The following OSBPL5 variants were observed in gnomAD, a reference collection of about 807,000 sequenced individuals.
The protein encoded by OSBPL5 is oxysterol-binding protein-related protein 5.
A neutral mutation model predicts 111.2 loss-of-function variants in OSBPL5; 71 were observed. The observed-to-expected ratio is 0.64, with a 90% CI of 0.53 to 0.78. The LOEUF is 0.78. Ranked by LOEUF, OSBPL5 falls within the 30% of genes least tolerant of loss-of-function variation. The pLI, the probability that OSBPL5 is intolerant of heterozygous loss-of-function variation, is 0.00. For synonymous variants in OSBPL5, 549 were observed against 513.9 expected (o/e 1.07, Z -0.93); for missense variants, 1,210 against 1,189.3 (o/e 1.02, Z -0.26).
chr11:3,131,844 TCCACCCACCAAA>T (rs1206151621), intron 1 of OSBPL5, among the ~76,000 whole-genome samples: 9 of 70,822 alleles, frequency 1.3e-4, no homozygotes, highest in African/African-American at 5.6e-4. Context: ...CATCTATCCA[TCCACCCACCAAA>T]CCATCCATCC....
rs1309236042 is a variant in OSBPL5 at position 3,129,447 on chromosome 11, C to G, written c.-21-278G>C. 5 of 233,292 alleles carry G rather than the reference C, an allele frequency of 2.1e-5. No homozygotes were observed. In the South Asian group the frequency reaches 8.6e-4, roughly 40 times the overall value. The allele number at this position is 233,292 out of a possible 1,614,324, so 14.5% of individuals were successfully genotyped here. A position where few individuals can be genotyped will look rare whatever the true frequency, so the allele number is the denominator to read the frequency against. Reference sequence around the variant, plus strand: ...GCTCATCACCACCCTCGGAAGATGTCCTTCTCAGAACCCCCACCCCAGGTT... The same window carrying G: ...GCTCATCACCACCCTCGGAAGATGTGCTTCTCAGAACCCCCACCCCAGGTT... On this transcript the variant is annotated intron_variant, in intron 1 of 21. Coordinates refer to ENST00000263650, the MANE Select transcript of OSBPL5 (RefSeq NM_020896.4).
rs1200496406 is a variant in OSBPL5 at position 3,121,221 on chromosome 11, C to T, written c.403-597G>A. Among the ~76,000 whole-genome samples the T allele has an allele frequency of 2.6e-5, 4 of 152,002 alleles. No homozygotes were observed. The East Asian group carries it at 7.7e-4, about 29-fold the overall frequency. ...TACAGGCGCCCGCCACCATGCCTGG[C>T]TAATTTCTGTATTTTTAGTAGAGAC... On this transcript the variant is annotated intron_variant, in intron 5 of 21. Coordinates refer to ENST00000263650, the MANE Select transcript of OSBPL5 (RefSeq NM_020896.4). The surrounding 1 kb of genome is among the most constrained non-coding windows in gnomAD (Gnocchi z 4.3).
chr11:3,150,467 C>G (rs1053063708), intron 1 of OSBPL5, among the ~76,000 whole-genome samples: 1 of 152,062 alleles, frequency 6.6e-6, no homozygotes, highest in Non-Finnish European at 1.5e-5. Flanking sequence ...TAGGTGGGCA[C>G]GTCCCACCCG....
At chr11:3,149,277 A>G (rs1340867193) in intron 1 of OSBPL5, among the ~76,000 whole-genome samples, 3 of 152,198 alleles carry the variant, frequency 2.0e-5, no homozygotes, top group Non-Finnish European at 4.4e-5. Context: ...CAGGCCCCCC[A>G]GAGCTGTCTT....
chr11:3,103,145 T>C (rs1051670263), intron 11 of OSBPL5, 94 bp downstream of exon 11: 5 of 1,090,466 alleles, frequency 4.6e-6, no homozygotes, highest in Non-Finnish European at 4.0e-6. Flanking sequence ...GGGTAGGGGG[T>C]GGCCCGGGGA....
At chr11:3,131,669 T>C (rs1282476190) in intron 1 of OSBPL5, among the ~76,000 whole-genome samples, 1 of 131,950 alleles carries the variant, frequency 7.6e-6, no homozygotes, top group African/African-American at 2.9e-5. Flanking sequence ...TGTCCTCCCA[T>C]CCATCCATCC....
Position 3,119,571 on chromosome 11 carries a change from A to G in OSBPL5, c.667T>C (p.Phe223Leu). 1 of 1,578,980 alleles carries G rather than the reference A, an allele frequency of 6.3e-7. No individual in the cohort carries two copies. Among genetic ancestry groups the G allele is most frequent in the South Asian group, 1.2e-5 (1 of 86,606 alleles). ...TQPLPSSYLI[F>L]RAASESDGRC... ...CCATCTGACTCGGAGGCGGCCCTGAAGATCAGGTAGCTGCTGGGCAGGGGC... is the reference window on the plus strand; with the variant it reads ...CCATCTGACTCGGAGGCGGCCCTGAGGATCAGGTAGCTGCTGGGCAGGGGC... Residue 223 changes from phenylalanine (F) to leucine (L), a missense_variant, in exon 7 of 22, where the codon TTC (phenylalanine) becomes CTC (leucine). Coordinates refer to ENST00000263650, the MANE Select transcript of OSBPL5 (RefSeq NM_020896.4).
chr11:3,100,675 G>A (rs1308324811), intron 13 of OSBPL5, among the ~76,000 whole-genome samples: 1 of 152,176 alleles, frequency 6.6e-6, no homozygotes, highest in Admixed American at 6.5e-5. Context: ...GGCTGAACCT[G>A]AGGGTCGCAC....
In OSBPL5 at chr11:3,093,564, C is replaced by T; in HGVS notation, c.1909G>A (p.Val637Met). The change falls in exon 17 of 22, where the codon GTG (valine) becomes ATG (methionine). Residue 637 changes from valine (V) to methionine (M), a missense_variant. By Grantham distance (21) the Val-to-Met change is conservative (BLOSUM62 1). Coordinates refer to ENST00000263650, the MANE Select transcript of OSBPL5 (RefSeq NM_020896.4). ...AGCTCCGTCTGCTCCTCCAGCGGCA[C>T]CGTGTGCTGCCTCAGCCTCTGTCTG... ...VRRQRLRQHT[V>M]PLEEQTELES... The T allele has an allele frequency of 6.2e-7, 1 of 1,611,768 alleles. No individual in the cohort carries two copies. Among genetic ancestry groups the T allele is most frequent in the Non-Finnish European group, 8.5e-7 (1 of 1,179,944 alleles).
chr11:3,158,236 G>A (rs551452855), intron 1 of OSBPL5, among the ~76,000 whole-genome samples: 2 of 152,250 alleles, frequency 1.3e-5, no homozygotes, highest in South Asian at 2.1e-4. Context: ...GTCTCGGAGC[G>A]AGAGAAATCT....
chr11:3,144,216 G>T (rs1029811464), intron 1 of OSBPL5, among the ~76,000 whole-genome samples: 17 of 152,256 alleles, frequency 1.1e-4, no homozygotes, highest in Admixed American at 1.0e-3. Flanking sequence ...GACAGAACAT[G>T]CCCCCTCCTC....
intron 19 of OSBPL5, among the ~76,000 whole-genome samples, chr11:3,091,117 G>C (rs895273325): frequency 6.6e-6 from 1 of 152,244 alleles, no homozygotes; most frequent in South Asian, 2.1e-4. Context: ...ACCCCAGATG[G>C]CTAGGGTTCC....
chr11:3,104,270 T>A lies in OSBPL5; in HGVS notation c.1167A>T (p.Leu389=). The change falls in exon 10 of 22, where the codon CTA becomes CTT. Residue 389 remains leucine (L), a synonymous_variant. Coordinates refer to ENST00000263650, the MANE Select transcript of OSBPL5 (RefSeq NM_020896.4). This position sits in a 1 kb window ranked among gnomAD's most constrained non-coding sequence, Gnocchi z 5.0. The stretch of plus-strand genomic sequence containing the variant: ...AGCGCGGCTCCAGTACGAACGTGGG[T>A]AGCACCACGCGGGACAGGTCCATGC... ...RPGMDLSRVV[L]PTFVLEPRSF... The A allele has an allele frequency of 6.2e-7, 1 of 1,613,812 alleles. No homozygotes were observed. Among genetic ancestry groups the A allele is most frequent in the Non-Finnish European group, 8.5e-7 (1 of 1,179,966 alleles).
intron 7 of OSBPL5, among the ~76,000 whole-genome samples, chr11:3,116,979 G>A (rs1451494814): frequency 6.6e-6 from 1 of 151,788 alleles, no homozygotes; most frequent in East Asian, 1.9e-4. Context: ...TTTAACAATT[G>A]AGTATACTCC....
chr11:3,127,447 C>T (rs1027093517), intron 2 of OSBPL5, among the ~76,000 whole-genome samples: 2 of 152,036 alleles, frequency 1.3e-5, no homozygotes, highest in African/African-American at 4.8e-5. Context: ...GGACGAAGAA[C>T]GGAAAAGCCA....
Position 3,121,960 on chromosome 11 carries a change from C to T in OSBPL5, c.402+37G>A. On this transcript the variant is annotated intron_variant, in intron 5 of 21. Coordinates refer to ENST00000263650, the MANE Select transcript of OSBPL5 (RefSeq NM_020896.4). The surrounding 1 kb of genome is among the most constrained non-coding windows in gnomAD (Gnocchi z 4.3). ...TTTGTTATGGCAGCAGCACGCTGAC[C>T]CGTGTCCTGGGTGGCCGGAGGCCGG... The T allele has an allele frequency of 4.6e-6, 7 of 1,524,018 alleles. No homozygotes were observed. Among genetic ancestry groups the T allele is most frequent in the Non-Finnish European group, 6.2e-6 (7 of 1,133,140 alleles). The allele number at this position is 1,524,018 out of a possible 1,614,324, so 94.4% of individuals were successfully genotyped here.
At position 3,107,404 on chromosome 11, in the gene OSBPL5, T is replaced by C; in HGVS notation, c.918A>G (p.Arg306=). ...ENDAFSDKSE[R]ENPEESDTET... ...CGGTATCTGACTCCTCAGGGTTCTC[T>C]CTCTCCGACTTGTCTGAGAATGCAT... The change falls in exon 9 of 22, where the codon AGA becomes AGG. Residue 306 remains arginine, a synonymous_variant. Coordinates refer to ENST00000263650, the MANE Select transcript of OSBPL5 (RefSeq NM_020896.4). The surrounding 1 kb of genome is among the most constrained non-coding windows in gnomAD (Gnocchi z 6.1). 2 of 1,614,014 alleles carry C rather than the reference T, an allele frequency of 1.2e-6. No individual in the cohort carries two copies. The highest frequency in any genetic ancestry group is 2.2e-5 in the South Asian group (2 of 91,084).
rs796941353 is a variant in OSBPL5, at chr11:3,131,699, T to TATCCATCCATCCATCC, written c.-21-2546_-21-2531dup. ...CCATCCACCCACCCACCCATTCATC[T>TATCCATCCATCCATCC]ATCCATCCATCCATCCATCCATCCA... On this transcript the variant is annotated intron_variant, in intron 1 of 21. Transcript: ENST00000263650. 5.1e-5 allele frequency among the ~76,000 whole-genome samples: 4 copies of TATCCATCCATCCATCC among 78,992 alleles called. 1 individual carries two copies. The highest frequency in any genetic ancestry group is 8.0e-4 in the East Asian group (2 of 2,494). 51.8% of individuals were successfully genotyped at this position (78,992 alleles called of 152,430 possible). A position where few individuals can be genotyped will look rare whatever the true frequency, so the allele number is the denominator to read the frequency against.
At chr11:3,116,854 C>CAAAAAAAAAAAAAAAAA (rs371907970) in intron 7 of OSBPL5, among the ~76,000 whole-genome samples, 1 of 75,488 alleles carries the variant, frequency 1.3e-5, no homozygotes, top group African/African-American at 4.5e-5. Context: ...GACTCCATCA[C>CAAAAAAAAAAAAAAAAA]AAAAAAAAAA....
Sources: gnomAD v4.1 joint callset for allele counts (sites outside exome capture counted in the v4.1 genomes callset) on GRCh38, gnomAD v4.1.1 for gene constraint, Gnocchi (gnomAD v3.1) non-coding constraint, MANE v1.5 for transcripts, NCBI Gene and HGNC (gene_info 2026-07-23, HGNC 2026-07-21) for gene names.